The following ST6GAL1 variants were observed in gnomAD, a reference collection of about 807,000 sequenced individuals.
ST6GAL1 encodes the protein ST6 beta-galactoside alpha-2,6-sialyltransferase 1.
ST6GAL1 carries 20 observed loss-of-function variants against 38.0 expected under a neutral mutation model. The ratio of observed to expected loss-of-function variants is 0.53; its 90% CI spans 0.37 to 0.77. The LOEUF is 0.77. Among genes scored for constraint, ST6GAL1 ranks in the 30% least tolerant of loss-of-function variants. ST6GAL1 has a pLI of 0.00. For synonymous variants in ST6GAL1, 196 were observed against 188.2 expected (o/e 1.04, Z -0.34); for missense variants, 432 against 496.4 (o/e 0.87, Z 1.23).
chr3:187,024,493 TA>T (rs1717455810), intron 2 of ST6GAL1, among the ~76,000 whole-genome samples: 1 of 85,772 alleles, frequency 1.2e-5, no homozygotes, highest in Non-Finnish European at 2.6e-5. Flanking sequence ...TATATATATA[TA>T]GAGAGAGAGA....
chr3:187,073,260 C>G (rs554121192), intron 6 of ST6GAL1: 1 of 268,892 alleles, frequency 3.7e-6, no homozygotes, highest in African/African-American at 2.2e-5. Context: ...TGAGCATCAG[C>G]AGAACTCGAG....
intron 2 of ST6GAL1, among the ~76,000 whole-genome samples, chr3:186,990,234 A>C (rs1221219848): frequency 6.6e-6 from 1 of 152,144 alleles, no homozygotes; most frequent in South Asian, 2.1e-4. Flanking sequence ...GGGTTTCACC[A>C]TATTGGCCAG....
chr3:186,953,987 A>G (rs1484274355), intron 1 of ST6GAL1, among the ~76,000 whole-genome samples: 3 of 151,728 alleles, frequency 2.0e-5, no homozygotes, highest in East Asian at 1.9e-4. Context: ...TCCCTCCCCC[A>G]GGCCCCCTGA....
intron 2 of ST6GAL1, among the ~76,000 whole-genome samples, chr3:187,005,702 T>C (rs1716765167): frequency 6.6e-6 from 1 of 152,212 alleles, no homozygotes; most frequent in Admixed American, 6.5e-5. Context: ...AACCTGGTCC[T>C]TGTGCCCAAA....
chr3:187,001,433 G>T (rs1444378036), intron 2 of ST6GAL1, among the ~76,000 whole-genome samples: 2 of 152,228 alleles, frequency 1.3e-5, no homozygotes, highest in African/African-American at 4.8e-5. Flanking sequence ...GCTGAGATCA[G>T]TGCCTGGCAC....
At chr3:187,059,735 G>A (rs917621250) in intron 5 of ST6GAL1, among the ~76,000 whole-genome samples, 9 of 152,236 alleles carry the variant, frequency 5.9e-5, no homozygotes, top group Admixed American at 1.3e-4. Flanking sequence ...ATCAATAAAC[G>A]TTAACTGCAC....
Position 186,980,087 on chromosome 3 carries a change from C to T in ST6GAL1, c.-183+16161C>T, listed in dbSNP as rs547111525. Among the ~76,000 whole-genome samples, 15 of 152,252 alleles carry T rather than the reference C, an allele frequency of 9.9e-5. No homozygotes were observed. In the South Asian group the frequency reaches 1.5e-3, roughly 15 times the overall value. Reference sequence around the variant, plus strand: ...AAGTTGCCTGAAGCCATAAAACAAACGATGATGGAATCAGATCATGGATCC... The same window carrying T: ...AAGTTGCCTGAAGCCATAAAACAAATGATGATGGAATCAGATCATGGATCC... On this transcript the variant is annotated intron_variant, in intron 2 of 7. Coordinates refer to ENST00000169298, the MANE Select transcript of ST6GAL1 (RefSeq NM_173216.2).
rs138908617 is a variant in ST6GAL1, at chr3:186,986,020, G to A, written c.-183+22094G>A. 4.1e-4 allele frequency among the ~76,000 whole-genome samples: 63 copies of A among 152,310 alleles called. 1 individual carries two copies. Among genetic ancestry groups the A allele is most frequent in the African/African-American group, 1.2e-3 (50 of 41,568 alleles). ...AATAAGTATTGGAAAGGACTCTTTAGATTTTGCAATTAGAAAGGCAGTTTC... is the reference window on the plus strand; with the variant it reads ...AATAAGTATTGGAAAGGACTCTTTAAATTTTGCAATTAGAAAGGCAGTTTC... On this transcript the variant is annotated intron_variant, in intron 2 of 7. Transcript: ENST00000169298.
intron 2 of ST6GAL1, among the ~76,000 whole-genome samples, chr3:187,015,987 G>C (rs930650471): frequency 1.3e-5 from 2 of 152,190 alleles, no homozygotes; most frequent in African/African-American, 4.8e-5. Context: ...AGGATAACAC[G>C]GTACCGGCTT....
Position 186,990,146 on chromosome 3 carries a change from G to A in ST6GAL1, c.-183+26220G>A, listed in dbSNP as rs553116717. ...CTTCCCAGGTTCAAGCGATTCTCCT[G>A]CCTTGGCCTCCCCAGTGGCTGGGAT... is the stretch of plus-strand genomic sequence containing the variant. On this transcript the variant is annotated intron_variant, in intron 2 of 7. Coordinates refer to ENST00000169298, the MANE Select transcript of ST6GAL1 (RefSeq NM_173216.2). Among the ~76,000 whole-genome samples, 8 of 152,364 alleles carry A rather than the reference G, an allele frequency of 5.3e-5. No homozygotes were observed. The South Asian group carries it at 1.7e-3, about 32-fold the overall frequency.
At chr3:187,008,537 G>C (rs775188850) in intron 2 of ST6GAL1, among the ~76,000 whole-genome samples, 18 of 152,002 alleles carry the variant, frequency 1.2e-4, no homozygotes, top group Non-Finnish European at 2.5e-4. Flanking sequence ...AATATTCTTT[G>C]GGAGTGAAAG....
intron 5 of ST6GAL1, among the ~76,000 whole-genome samples, chr3:187,057,124 A>G (rs12054054): frequency 0.33 from 50,100 of 152,008 alleles, 8,774 homozygotes; most frequent in East Asian, 0.47. Context: ...TGCATCTCGT[A>G]GTTCTTAAGC....
intron 2 of ST6GAL1, among the ~76,000 whole-genome samples, chr3:187,013,137 A>C (rs1442728455): frequency 6.6e-6 from 1 of 152,216 alleles, no homozygotes; most frequent in Non-Finnish European, 1.5e-5. Context: ...TTTCTTGAAC[A>C]CTGTTTCTTT....
intron 2 of ST6GAL1, chr3:186,986,490 T>C (rs1715927982): frequency 1.3e-5 from 2 of 152,904 alleles, no homozygotes; most frequent in Admixed American, 6.5e-5. Context: ...CACAACAAAA[T>C]AACAAGAATG....
At chr3:186,934,269 G>A (rs746763710) in intron 1 of ST6GAL1, among the ~76,000 whole-genome samples, 3 of 152,004 alleles carry the variant, frequency 2.0e-5, no homozygotes, top group Non-Finnish European at 4.4e-5. Flanking sequence ...AGGTGTGGTG[G>A]CTCACTCCAG....
chr3:187,034,492 T>C (rs1371733373), intron 2 of ST6GAL1, among the ~76,000 whole-genome samples: 2 of 152,080 alleles, frequency 1.3e-5, no homozygotes, highest in Non-Finnish European at 2.9e-5. Flanking sequence ...TGAAAATAAA[T>C]GCAAAAATCC....
intron 1 of ST6GAL1, among the ~76,000 whole-genome samples, chr3:186,944,481 T>TG (rs1267751299): frequency 1.3e-5 from 2 of 152,220 alleles, no homozygotes; most frequent in Non-Finnish European, 2.9e-5. Flanking sequence ...AGAGGCAGTA[T>TG]GGGGAATTCA....
At chr3:187,012,897 C>T (rs888682889) in intron 2 of ST6GAL1, among the ~76,000 whole-genome samples, 12 of 152,160 alleles carry the variant, frequency 7.9e-5, no homozygotes, top group Non-Finnish European at 1.6e-4. Context: ...TGTGAGTCGT[C>T]GGGTCTACCA....
At chr3:186,932,675 C>A (rs1360053550) in intron 1 of ST6GAL1, among the ~76,000 whole-genome samples, 3 of 152,142 alleles carry the variant, frequency 2.0e-5, no homozygotes, top group African/African-American at 7.2e-5. Flanking sequence ...ATCAGCCCCA[C>A]GGGGAAGAAA....
Sources: gnomAD v4.1 joint callset for allele counts (sites outside exome capture counted in the v4.1 genomes callset) on GRCh38, gnomAD v4.1.1 for gene constraint, MANE v1.5 for transcripts, NCBI Gene and HGNC (gene_info 2026-07-23, HGNC 2026-07-21) for gene names.